TENM4: variants seen among roughly 807,000 people sequenced by gnomAD.
The protein encoded by TENM4 is teneurin-4.
In TENM4, 82 loss-of-function variants were observed where a neutral mutation model predicts 243.3. The ratio of observed to expected loss-of-function variants is 0.34; its 90% CI spans 0.28 to 0.40. The LOEUF (loss-of-function observed/expected upper bound fraction) is 0.40, where lower values mean the gene tolerates loss of function less well. Among genes scored for constraint, TENM4 ranks in the 10% least tolerant of loss-of-function variants. The pLI is 1.00. For synonymous variants in TENM4, 1,412 were observed against 1,456.3 expected (o/e 0.97, Z 0.69); for missense variants, 3,138 against 3,673.3 (o/e 0.85, Z 3.77).
At chr11:78,809,069 G>A (rs1565388080) in intron 14 of TENM4, among the ~76,000 whole-genome samples, 1 of 152,174 alleles carries the variant, frequency 6.6e-6, no homozygotes, top group South Asian at 2.1e-4. Context: ...CCTTGAGGTC[G>A]AACCTATAAA....
chr11:79,007,375 G>GAC, intron 6 of TENM4, among the ~76,000 whole-genome samples: 1 of 152,140 alleles, frequency 6.6e-6, no homozygotes, highest in East Asian at 1.9e-4. Flanking sequence ...CCAGAGCTGA[G>GAC]AGAGAGACTA....
In TENM4 at chr11:78,658,568, A is replaced by G; in HGVS notation, c.7800T>C (p.His2600=). The change falls in exon 34 of 34, where the codon CAT becomes CAC. Residue 2600 remains histidine, a synonymous_variant. Coordinates refer to ENST00000278550, the MANE Select transcript of TENM4 (RefSeq NM_001098816.3). ...DGRRVAAILN[H]AHYLENLHFT... Reference sequence around the variant, plus strand: ...AGTGCAGGTTCTCTAGGTAGTGGGCATGGTTCAAGATGGCAGCAACCCTTC... The same window carrying G: ...AGTGCAGGTTCTCTAGGTAGTGGGCGTGGTTCAAGATGGCAGCAACCCTTC... The G allele has an allele frequency of 6.2e-7, 1 of 1,613,998 alleles. No homozygotes were observed. The highest frequency in any genetic ancestry group is 8.5e-7 in the Non-Finnish European group (1 of 1,179,878).
chr11:79,333,243 C>CACCT (rs1401033448), intron 1 of TENM4, among the ~76,000 whole-genome samples: 1 of 113,092 alleles, frequency 8.8e-6, no homozygotes, highest in Non-Finnish European at 2.0e-5. Context: ...TCCATCCATC[C>CACCT]ATCTATCCAT....
intron 1 of TENM4, among the ~76,000 whole-genome samples, chr11:79,329,848 G>A (rs186363907): frequency 1.6e-4 from 25 of 152,306 alleles, no homozygotes; most frequent in Admixed American, 5.9e-4. Context: ...GGGAAGCCAC[G>A]GGAAGGTTTT....
intron 1 of TENM4, among the ~76,000 whole-genome samples, chr11:79,360,579 T>A (rs762209507): frequency 6.6e-6 from 1 of 152,202 alleles, no homozygotes; most frequent in Non-Finnish European, 1.5e-5. Context: ...AAATTGTCAT[T>A]TGTGCCAGGA....
At position 78,756,853 on chromosome 11, in the gene TENM4, C is replaced by A; in HGVS notation, c.2708G>T (p.Gly903Val). The A allele has an allele frequency of 6.2e-7, 1 of 1,613,940 alleles. No individual in the cohort carries two copies. The highest frequency in any genetic ancestry group is 8.5e-7 in the Non-Finnish European group (1 of 1,179,876). The change falls in exon 19 of 34, where the codon GGC (glycine) becomes GTC (valine). Residue 903 changes from glycine to valine, a missense_variant. Around this residue, in one of 2 missense-constraint regions of TENM4, gnomAD observed 2,467 missense variants for 3,059.1 expected, o/e 0.81. Transcript: ENST00000278550. The part of the protein sequence containing the change: ...SFYDRIKFLV[G>V]RDSTHIIPGE... ...GGGGATTATGTGCGTGCTGTCCCTG[C>A]CCACGAGGAACTTGATGCGGTCATA...
chr11:79,111,711 G>T (rs1387641947), intron 4 of TENM4, among the ~76,000 whole-genome samples: 1 of 152,200 alleles, frequency 6.6e-6, no homozygotes, highest in Non-Finnish European at 1.5e-5. Context: ...GACAGGTGAG[G>T]CCATGGGCCT....
chr11:79,287,745 C>T (rs1408329486), intron 2 of TENM4, among the ~76,000 whole-genome samples: 1 of 152,148 alleles, frequency 6.6e-6, no homozygotes, highest in Non-Finnish European at 1.5e-5. Context: ...CTCAAATCAG[C>T]CCATCTTTTC....
chr11:78,819,009 C>T (rs7942793), intron 12 of TENM4, among the ~76,000 whole-genome samples: 3,555 of 151,088 alleles, frequency 0.024, 53 homozygotes, highest in Middle Eastern at 0.045. Context: ...TTTTTCCTTT[C>T]ATCTGTATTG....
At chr11:78,921,961 C>A (rs1486999048) in intron 6 of TENM4, among the ~76,000 whole-genome samples, 2 of 152,220 alleles carry the variant, frequency 1.3e-5, no homozygotes, top group Non-Finnish European at 2.9e-5. Flanking sequence ...AGGCACTGAG[C>A]CTCCTGAAGG....
At chr11:78,946,022 A>T (rs1429722784) in intron 6 of TENM4, among the ~76,000 whole-genome samples, 1 of 152,238 alleles carries the variant, frequency 6.6e-6, no homozygotes, top group Non-Finnish European at 1.5e-5. Context: ...AACTGCAGCA[A>T]GTTATCCAGA....
At chr11:79,113,422 G>T (rs534361947) in intron 4 of TENM4, among the ~76,000 whole-genome samples, 2 of 146,990 alleles carry the variant, frequency 1.4e-5, no homozygotes, top group South Asian at 2.2e-4. Flanking sequence ...TGTGTGTGTT[G>T]TGTGTGTGAC....
At chr11:78,970,322 T>C (rs906072566) in intron 6 of TENM4, among the ~76,000 whole-genome samples, 1 of 152,160 alleles carries the variant, frequency 6.6e-6, no homozygotes, top group African/African-American at 2.4e-5. Context: ...TCCCTAGTTA[T>C]TTGAAATGGA....
intron 1 of TENM4, among the ~76,000 whole-genome samples, chr11:79,393,840 G>T (rs1208436268): frequency 2.0e-5 from 3 of 152,224 alleles, no homozygotes; most frequent in Non-Finnish European, 2.9e-5. Context: ...TTGCCCTGGG[G>T]CCATCGGAGA....
intron 6 of TENM4, among the ~76,000 whole-genome samples, chr11:78,941,066 G>A (rs988563356): frequency 1.6e-4 from 24 of 152,172 alleles, no homozygotes; most frequent in East Asian, 3.9e-4. Flanking sequence ...CATGTCCCCC[G>A]CAAGCCAATG....
At chr11:79,404,808 A>G (rs1273734579) in intron 1 of TENM4, among the ~76,000 whole-genome samples, 5 of 152,024 alleles carry the variant, frequency 3.3e-5, no homozygotes, top group Non-Finnish European at 7.4e-5. Context: ...TCTATTCAAA[A>G]TGATATATAT....
chr11:78,912,564 A>G (rs981213205), intron 6 of TENM4, among the ~76,000 whole-genome samples: 3 of 152,140 alleles, frequency 2.0e-5, no homozygotes, highest in Non-Finnish European at 4.4e-5. Flanking sequence ...CCGACTTCCA[A>G]ACTTTTAAAG....
intron 10 of TENM4, among the ~76,000 whole-genome samples, chr11:78,857,261 GT>G (rs1394181564): frequency 1.3e-5 from 2 of 152,118 alleles, no homozygotes; most frequent in Non-Finnish European, 2.9e-5. Context: ...GTTCCAAGCG[GT>G]TTTTTTGTGA....
At chr11:79,359,201 G>C (rs1857549806) in intron 1 of TENM4, among the ~76,000 whole-genome samples, 1 of 152,128 alleles carries the variant, frequency 6.6e-6, no homozygotes, top group Admixed American at 6.5e-5. Flanking sequence ...AGGAAGTTGA[G>C]GTTGCAGTAA....
Sources: allele counts gnomAD v4.1 joint callset (sites outside exome capture counted in the v4.1 genomes callset), GRCh38; gene constraint gnomAD v4.1.1; regional missense constraint gnomAD v4.1.1; transcripts MANE v1.5; gene names NCBI Gene and HGNC (gene_info 2026-07-23, HGNC 2026-07-21).